VAT1: variants seen among roughly 807,000 people sequenced by gnomAD.
The protein encoded by VAT1 is NADPH-dependent quinone oxidoreductase VAT1.
Under a neutral mutation model 33.3 loss-of-function variants are expected in VAT1, and 24 were observed. The observed-to-expected ratio is 0.72, with a 90% confidence interval of 0.52 to 1.01. The LOEUF is 1.01. VAT1 is among the 50% of genes least tolerant of loss of function. The probability of loss-of-function intolerance (pLI) is 0.00; values close to 1 mark genes in which losing one functional copy is unlikely to be tolerated. For missense variants in VAT1, 436 were observed against 533.7 expected, an observed-to-expected ratio of 0.82 and a Z score of 1.80; for synonymous variants, 212 against 225.0, an observed-to-expected ratio of 0.94 and a Z score of 0.52.
intron 1 of VAT1, among the ~76,000 whole-genome samples, chr17:43,021,617 G>GGT (rs1555572090): frequency 1.5e-5 from 2 of 130,668 alleles, no homozygotes; most frequent in African/African-American, 5.7e-5. Flanking sequence ...GGGGGGGGGG[G>GGT]GGGGGGGTGG....
At chr17:43,018,508 C>T (rs1363145947) in intron 2 of VAT1, 84 bp downstream of exon 2, 5 of 1,499,652 alleles carry the variant, frequency 3.3e-6, no homozygotes, top group Non-Finnish European at 4.6e-6. Context: ...GTTGCCATGA[C>T]AACAACCCAG....
intron 1 of VAT1, among the ~76,000 whole-genome samples, chr17:43,020,768 G>T (rs947824713): frequency 6.6e-6 from 1 of 151,298 alleles, no homozygotes; most frequent in Admixed American, 6.6e-5. Context: ...CCAGCTACTC[G>T]AGAGGCTGAG....
chr17:43,020,766 T>G (rs1257759344), intron 1 of VAT1, among the ~76,000 whole-genome samples: 2 of 149,890 alleles, frequency 1.3e-5, no homozygotes, highest in Non-Finnish European at 3.0e-5. Context: ...TCCCAGCTAC[T>G]CGAGAGGCTG....
At chr17:43,021,631 C>CGGGG (rs2050569725) in intron 1 of VAT1, among the ~76,000 whole-genome samples, 1 of 123,726 alleles carries the variant, frequency 8.1e-6, no homozygotes, top group Non-Finnish European at 1.7e-5. Flanking sequence ...GGGGTGGGGA[C>CGGGG]GGTAGTGTGG....
rs758699219 is a variant in VAT1 at position 43,016,577 on chromosome 17, A to AC, written c.857-30dup. 3.2e-5 allele frequency: 51 copies of AC among 1,607,482 alleles called. 1 individual carries two copies. The South Asian group carries it at 3.2e-4, about 10-fold the overall frequency. On this transcript the variant is annotated intron_variant, in intron 4 of 5. Coordinates refer to ENST00000355653, the MANE Select transcript of VAT1 (RefSeq NM_006373.4). Reference sequence around the variant, plus strand: ...AAGGACAAGGTGACATAGCCTGTGAACCCCCCCAGGCACATCCCTGTGTGT... The same window carrying AC: ...AAGGACAAGGTGACATAGCCTGTGAACCCCCCCCAGGCACATCCCTGTGTGT...
At chr17:43,020,229 A>C in intron 1 of VAT1, 1 of 985,340 alleles carries the variant, frequency 1.0e-6, no homozygotes, top group South Asian at 4.7e-5. Context: ...GGAGGGAGAG[A>C]GAGGGAAGGG....
intron 1 of VAT1, chr17:43,020,013 G>A (rs186948019): frequency 1.1e-5 from 9 of 796,482 alleles, no homozygotes; most frequent in Non-Finnish European, 1.2e-5. Context: ...TGGAGAACAA[G>A]AACGGAAGCC....
Position 43,015,016 on chromosome 17 carries a change from G to C in VAT1, c.*1045C>G, listed in dbSNP as rs745729619. 1 of 152,678 alleles carries C rather than the reference G, an allele frequency of 6.5e-6. No individual in the cohort carries two copies. The highest frequency in any genetic ancestry group is 1.5e-5 in the Non-Finnish European group (1 of 68,064). The allele number at this position is 152,678 out of a possible 1,614,324, so 9.5% of individuals were successfully genotyped here. A position where few individuals can be genotyped will look rare whatever the true frequency, so the allele number is the denominator to read the frequency against. ...GATTTTTACTTTGGTCCCAGTACAA[G>C]AAACAGACAGCACTGCCTTTCAGAG... is the stretch of plus-strand genomic sequence containing the variant. On this transcript the variant is annotated 3_prime_UTR_variant, in exon 6 of 6. Coordinates refer to ENST00000355653, the MANE Select transcript of VAT1 (RefSeq NM_006373.4).
At chr17:43,018,231 G>A (rs756957214) in intron 2 of VAT1, 25 bp from the exon 3 acceptor site, 2 of 1,593,814 alleles carry the variant, frequency 1.3e-6, no homozygotes, top group African/African-American at 1.3e-5. Context: ...CCATAAGCAG[G>A]GGATATGGAG....
rs997408425 is a variant in VAT1 at position 43,014,660 on chromosome 17, G to A, written c.*1401C>T. 2 of 186,234 alleles carry A rather than the reference G, an allele frequency of 1.1e-5. No individual in the cohort carries two copies. The highest frequency in any genetic ancestry group is 5.7e-5 in the Admixed American group (1 of 17,494). The allele number at this position is 186,234 out of a possible 1,614,324, so 11.5% of individuals were successfully genotyped here. On this transcript the variant is annotated 3_prime_UTR_variant, in exon 6 of 6. Transcript: ENST00000355653. ...ACACAAAGGCAGCTGTGGTAATGGG[G>A]TGGTGGGGTACACAAAAGCAGAAAT...
intron 2 of VAT1, 77 bp downstream of exon 2, chr17:43,018,515 C>G: frequency 2.0e-6 from 3 of 1,526,488 alleles, no homozygotes; most frequent in Admixed American, 3.7e-5. Flanking sequence ...TGACAACAAC[C>G]CAGACAGGCT....
chr17:43,015,752 A>C lies in VAT1; in HGVS notation c.*309T>G. 2.2e-6 allele frequency: 1 copy of C among 445,424 alleles called. No homozygotes were observed. Among genetic ancestry groups the C allele is most frequent in the Non-Finnish European group, 4.1e-6 (1 of 244,200 alleles). The allele number at this position is 445,424 out of a possible 1,614,324, so 27.6% of individuals were successfully genotyped here. Reference sequence around the variant, plus strand: ...AAGCACATGGAACACAACAGGGGGGACTGGCTAACCTTGGCACAAAAGCAG... The same window carrying C: ...AAGCACATGGAACACAACAGGGGGGCCTGGCTAACCTTGGCACAAAAGCAG... On this transcript the variant is annotated 3_prime_UTR_variant, in exon 6 of 6. Coordinates refer to ENST00000355653, the MANE Select transcript of VAT1 (RefSeq NM_006373.4).
chr17:43,021,297 C>T (rs1315814047), intron 1 of VAT1, among the ~76,000 whole-genome samples: 3 of 152,218 alleles, frequency 2.0e-5, no homozygotes, highest in African/African-American at 7.2e-5. Context: ...CCAATCCCGC[C>T]TCCCCCACCC....
In VAT1 at chr17:43,015,837, C is replaced by T. The variant is rs988227743; in HGVS notation, c.*224G>A. 1 of 609,434 alleles carries T rather than the reference C, an allele frequency of 1.6e-6. No individual in the cohort carries two copies. The highest frequency in any genetic ancestry group is 1.8e-5 in the African/African-American group (1 of 54,210). The allele number at this position is 609,434 out of a possible 1,614,324, so 37.8% of individuals were successfully genotyped here. A position where few individuals can be genotyped will look rare whatever the true frequency, so the allele number is the denominator to read the frequency against. On this transcript the variant is annotated 3_prime_UTR_variant, in exon 6 of 6. Coordinates refer to ENST00000355653, the MANE Select transcript of VAT1 (RefSeq NM_006373.4). ...GCAGCCGGCCTCCCTCTGACCCTCCCTGTCGCCTTGGCAGGGCCCAGACAT... is the reference window on the plus strand; with the variant it reads ...GCAGCCGGCCTCCCTCTGACCCTCCTTGTCGCCTTGGCAGGGCCCAGACAT...
rs2050521274 is a variant in VAT1 at position 43,016,454 on chromosome 17, C to T, written c.951G>A (p.Leu317=). Residue 317 remains leucine (L), a synonymous_variant, in exon 5 of 6, where the codon CTG becomes CTA. Transcript: ENST00000355653. ...NQFSVTALQL[L]QANRAVCGFH... ...AGCCACACACAGCCCGGTTGGCCTG[C>T]AGCAGCTGCAGAGCTGTCACGCTGA... 2 of 1,614,098 alleles carry T rather than the reference C, an allele frequency of 1.2e-6. No individual in the cohort carries two copies. Among genetic ancestry groups the T allele is most frequent in the Non-Finnish European group, 1.7e-6 (2 of 1,180,048 alleles).
intron 4 of VAT1, among the ~76,000 whole-genome samples, chr17:43,017,531 G>A (rs995044738): frequency 7.2e-6 from 1 of 137,932 alleles, no homozygotes; most frequent in Admixed American, 8.1e-5. Context: ...TGCACTGATC[G>A]AGATCATGCC....
intron 5 of VAT1, 22 bp from the exon 6 acceptor site, chr17:43,016,166 G>A (rs766890921): frequency 6.8e-6 from 11 of 1,613,910 alleles, no homozygotes; most frequent in Non-Finnish European, 9.3e-6. Flanking sequence ...GGAAAGATGC[G>A]GCTCCCAGTG....
chr17:43,018,749 C>G lies in VAT1; in HGVS notation c.438G>C (p.Glu146Asp). 1 of 1,614,180 alleles carries G rather than the reference C, an allele frequency of 6.2e-7. No individual in the cohort carries two copies. Among genetic ancestry groups the G allele is most frequent in the Non-Finnish European group, 8.5e-7 (1 of 1,180,034 alleles). The change falls in exon 2 of 6, where the codon GAG becomes GAC. Residue 146 changes from glutamate (E) to aspartate (D), a missense_variant. By Grantham distance (45) the Glu-to-Asp change is conservative (BLOSUM62 2). Coordinates refer to ENST00000355653, the MANE Select transcript of VAT1 (RefSeq NM_006373.4). Reference sequence around the variant, plus strand: ...AGGTCTGGACCGAGGGCACAGTCACCTCTTCCTGCCACATCCCTGACCGGT... The same window carrying G: ...AGGTCTGGACCGAGGGCACAGTCACGTCTTCCTGCCACATCCCTGACCGGT... Reference protein sequence around the residue: ...VLNRSGMWQEEVTVPSVQTFL... With the variant: ...VLNRSGMWQEDVTVPSVQTFL...
rs146077646 is a variant in VAT1, at chr17:43,014,691, T to A, written c.*1370A>T. The A allele has an allele frequency of 3.9e-4, 64 of 164,972 alleles. 1 individual carries two copies. In the East Asian group the frequency reaches 0.011, roughly 28 times the overall value. 10.2% of individuals were successfully genotyped at this position (164,972 alleles called of 1,614,324 possible). A position where few individuals can be genotyped will look rare whatever the true frequency, so the allele number is the denominator to read the frequency against. On this transcript the variant is annotated 3_prime_UTR_variant, in exon 6 of 6. Transcript: ENST00000355653. ...GGGTACACAAAAGCAGAAATCGCACTTCACACATTTAGGCCTCATTTAGAC... is the reference window on the plus strand; with the variant it reads ...GGGTACACAAAAGCAGAAATCGCACATCACACATTTAGGCCTCATTTAGAC...
Sources: allele counts gnomAD v4.1 joint callset (sites outside exome capture counted in the v4.1 genomes callset), GRCh38; gene constraint gnomAD v4.1.1; transcripts MANE v1.5; gene names NCBI Gene and HGNC (gene_info 2026-07-23, HGNC 2026-07-21).